Variants in ENOX1 observed in about 807,000 individuals in gnomAD.
ENOX1 encodes ecto-NOX disulfide-thiol exchanger 1.
Under a neutral mutation model 82.5 loss-of-function variants are expected in ENOX1, and 42 were observed. The observed-to-expected ratio is 0.51, with a 90% CI of 0.40 to 0.66. ENOX1 has a LOEUF of 0.66. Among genes scored for constraint, ENOX1 ranks in the 30% least tolerant of loss-of-function variants. The pLI, the probability that ENOX1 is intolerant of heterozygous loss-of-function variation, is 0.00. For synonymous variants in ENOX1, 271 were observed against 282.2 expected, an observed-to-expected ratio of 0.96 and a Z score of 0.40; for missense variants, 608 against 811.6, an observed-to-expected ratio of 0.75 and a Z score of 3.05.
chr13:43,515,810 G>T (rs568279193), intron 2 of ENOX1, among the ~76,000 whole-genome samples: 1 of 151,714 alleles, frequency 6.6e-6, no homozygotes, highest in Non-Finnish European at 1.5e-5. Context: ...GTTCCTCCAG[G>T]ATGTCCTGCT....
At chr13:43,480,508 T>G (rs372592068) in intron 3 of ENOX1, among the ~76,000 whole-genome samples, 1 of 152,182 alleles carries the variant, frequency 6.6e-6, no homozygotes, top group Non-Finnish European at 1.5e-5. Context: ...AAAAGGATGA[T>G]TTAAAAACTG....
chr13:43,537,465 C>A (rs190188950), intron 2 of ENOX1, among the ~76,000 whole-genome samples: 13 of 152,242 alleles, frequency 8.5e-5, no homozygotes, highest in Admixed American at 8.5e-4. Flanking sequence ...AAGCTGAAGC[C>A]AAAGAAATGC....
chr13:43,432,476 T>C (rs552304996), intron 3 of ENOX1, among the ~76,000 whole-genome samples: 1 of 151,612 alleles, frequency 6.6e-6, no homozygotes, highest in Non-Finnish European at 1.5e-5. Flanking sequence ...CCATCTCTAC[T>C]AAAAATAGAA....
At chr13:43,236,423 A>G (rs558107751) in intron 15 of ENOX1, among the ~76,000 whole-genome samples, 3 of 152,342 alleles carry the variant, frequency 2.0e-5, no homozygotes, top group South Asian at 4.1e-4. Flanking sequence ...CATGTCTGAC[A>G]ATCAGTTAAT....
intron 1 of ENOX1, among the ~76,000 whole-genome samples, chr13:43,758,166 G>C (rs570175606): frequency 6.6e-6 from 1 of 152,156 alleles, no homozygotes; most frequent in South Asian, 2.1e-4. Context: ...AAGCTAGGAG[G>C]CAGAGGTTGC....
chr13:43,422,017 A>C (rs981743394), intron 3 of ENOX1, among the ~76,000 whole-genome samples: 3 of 152,024 alleles, frequency 2.0e-5, no homozygotes, highest in Non-Finnish European at 2.9e-5. Flanking sequence ...TCAGTTCCAG[A>C]ATTTAGTCCC....
intron 3 of ENOX1, among the ~76,000 whole-genome samples, chr13:43,448,609 G>T (rs1236118258): frequency 6.6e-6 from 1 of 152,178 alleles, no homozygotes; most frequent in African/African-American, 2.4e-5. Context: ...CAGTAGTACA[G>T]TTCTTTTTTT....
intron 2 of ENOX1, among the ~76,000 whole-genome samples, chr13:43,535,544 A>C (rs1197040617): frequency 3.3e-5 from 5 of 152,182 alleles, no homozygotes; most frequent in African/African-American, 7.2e-5. Context: ...AAAAAGAGAA[A>C]ATAGCAAGCT....
chr13:43,686,131 AG>A (rs2086062968), intron 1 of ENOX1, among the ~76,000 whole-genome samples: 1 of 152,202 alleles, frequency 6.6e-6, no homozygotes, highest in African/African-American at 2.4e-5. Context: ...TAATAACAAA[AG>A]ATAACCTTAA....
intron 2 of ENOX1, among the ~76,000 whole-genome samples, chr13:43,486,412 C>CA (rs2076420200): frequency 1.3e-5 from 2 of 151,706 alleles, no homozygotes; most frequent in Non-Finnish European, 1.5e-5. Flanking sequence ...AACAAACAAA[C>CA]AAAAAAACCA....
chr13:43,583,030 C>A (rs1316447993), intron 2 of ENOX1, among the ~76,000 whole-genome samples: 1 of 152,118 alleles, frequency 6.6e-6, no homozygotes, highest in African/African-American at 2.4e-5. Flanking sequence ...CGCACACACA[C>A]AGCCTAGATG....
chr13:43,564,726 C>A (rs1159519624), intron 2 of ENOX1, among the ~76,000 whole-genome samples: 1 of 152,108 alleles, frequency 6.6e-6, no homozygotes, highest in African/African-American at 2.4e-5. Flanking sequence ...CAGCTATTAT[C>A]AGAGTAGTAT....
intron 3 of ENOX1, among the ~76,000 whole-genome samples, chr13:43,467,420 G>C (rs975714277): frequency 6.6e-6 from 1 of 152,092 alleles, no homozygotes; most frequent in Non-Finnish European, 1.5e-5. Context: ...TTGTGGTTTT[G>C]ATTTACATGT....
chr13:43,715,196 C>G (rs1050074358), intron 1 of ENOX1, among the ~76,000 whole-genome samples: 1 of 152,160 alleles, frequency 6.6e-6, no homozygotes, highest in Non-Finnish European at 1.5e-5. Flanking sequence ...ATATGAAATT[C>G]TGGATTGAAA....
intron 2 of ENOX1, among the ~76,000 whole-genome samples, chr13:43,559,268 G>A (rs1482729501): frequency 1.3e-5 from 2 of 152,108 alleles, no homozygotes; most frequent in Non-Finnish European, 2.9e-5. Flanking sequence ...ACAAAAAATG[G>A]CTCCTCCAAA....
At chr13:43,554,176 T>C (rs1183566726) in intron 2 of ENOX1, among the ~76,000 whole-genome samples, 1 of 152,134 alleles carries the variant, frequency 6.6e-6, no homozygotes, top group Non-Finnish European at 1.5e-5. Flanking sequence ...TCTTTGGAGA[T>C]TCCAAAGAGA....
At chr13:43,230,741 G>A (rs1169676740) in intron 15 of ENOX1, among the ~76,000 whole-genome samples, 1 of 152,138 alleles carries the variant, frequency 6.6e-6, no homozygotes, top group Non-Finnish European at 1.5e-5. Context: ...GGGCTGCTTA[G>A]AGATCATTAG....
rs1566672189 is a variant in ENOX1, at chr13:43,630,933, T to TGTGTGTGTGTG, written c.-219+36545_-219+36546insCACACACACAC. On this transcript the variant is annotated intron_variant, in intron 2 of 16. Coordinates refer to ENST00000690772, the MANE Select transcript of ENOX1 (RefSeq NM_001347969.2). Reference sequence around the variant, plus strand: ...CGTGTGCGTATATGTGTGTGTGTGTTTGTGTGTGTGTGTGTGTATGTAATA... The same window carrying TGTGTGTGTGTG: ...CGTGTGCGTATATGTGTGTGTGTGTTGTGTGTGTGTGTGTGTGTGTGTGTGTGTATGTAATA... Among the ~76,000 whole-genome samples, 5 of 149,334 alleles carry TGTGTGTGTGTG rather than the reference T, an allele frequency of 3.3e-5. No individual in the cohort carries two copies. In the East Asian group the frequency reaches 7.9e-4, roughly 24 times the overall value.
intron 11 of ENOX1, among the ~76,000 whole-genome samples, chr13:43,300,315 A>G (rs151327114): frequency 3.3e-5 from 5 of 152,338 alleles, no homozygotes; most frequent in African/African-American, 1.2e-4. Flanking sequence ...GGAAGAAAGG[A>G]TAGTGTGATG....
Sources: allele counts gnomAD v4.1 joint callset (sites outside exome capture counted in the v4.1 genomes callset), GRCh38; gene constraint gnomAD v4.1.1; transcripts MANE v1.5; gene names NCBI Gene and HGNC (gene_info 2026-07-23, HGNC 2026-07-21).